ANK2: variants seen among roughly 807,000 people sequenced by gnomAD.
ANK2 encodes the protein ankyrin-2.
ANK2 carries 83 observed loss-of-function variants against 360.5 expected under a neutral mutation model. That is an observed-to-expected ratio of 0.23 (90% CI 0.19 to 0.28). ANK2 has a LOEUF of 0.28. Ranked by LOEUF, ANK2 falls within the 10% of genes least tolerant of loss-of-function variation. The pLI is 1.00. For synonymous variants in ANK2, 1,740 were observed against 1,759.5 expected, an observed-to-expected ratio of 0.99 and a Z score of 0.28; for missense variants, 4,201 against 4,795.7, an observed-to-expected ratio of 0.88 and a Z score of 3.66.
chr4:112,957,380 A>T (rs561764425), intron 2 of ANK2, among the ~76,000 whole-genome samples: 55 of 152,368 alleles, frequency 3.6e-4, no homozygotes, highest in Middle Eastern at 6.8e-3. Flanking sequence ...TTTTCTTAGT[A>T]CAGAACAAAA....
At chr4:112,918,189 G>A (rs1262737541) in intron 2 of ANK2, among the ~76,000 whole-genome samples, 1 of 152,140 alleles carries the variant, frequency 6.6e-6, no homozygotes, top group Non-Finnish European at 1.5e-5. Context: ...ATTAGGGGCA[G>A]CTTCCTGGAA....
At chr4:113,257,478 TA>T (rs766224839) in intron 11 of ANK2, among the ~76,000 whole-genome samples, 1 of 152,192 alleles carries the variant, frequency 6.6e-6, no homozygotes, top group Non-Finnish European at 1.5e-5. Context: ...ATATATGTTA[TA>T]AAAATGATAT....
chr4:113,021,530 C>CCCCACACACA (rs1554056650), intron 2 of ANK2, among the ~76,000 whole-genome samples: 3 of 13,094 alleles, frequency 2.3e-4, no homozygotes, highest in African/African-American at 6.9e-4. Flanking sequence ...ACACACACAC[C>CCCCACACACA]CACACACAAA....
At chr4:113,299,876 T>C (rs978060993) in intron 22 of ANK2, among the ~76,000 whole-genome samples, 4 of 152,084 alleles carry the variant, frequency 2.6e-5, no homozygotes, top group Non-Finnish European at 5.9e-5. Context: ...AAAAATACCC[T>C]GGTCCCCATT....
At chr4:113,374,969 C>G in intron 45 of ANK2, 1 of 1,070,590 alleles carries the variant, frequency 9.3e-7, no homozygotes, top group Non-Finnish European at 1.1e-6. Flanking sequence ...CATCATTTGT[C>G]TTTTTATGTG....
intron 2 of ANK2, among the ~76,000 whole-genome samples, chr4:113,175,359 A>T (rs1264839638): frequency 6.6e-6 from 1 of 152,198 alleles, no homozygotes; most frequent in Admixed American, 6.5e-5. Flanking sequence ...TTCAAAAACA[A>T]CTTTTCAGAA....
At chr4:113,143,328 C>A (rs1326026650) in intron 1 of ANK2, among the ~76,000 whole-genome samples, 1 of 35,244 alleles carries the variant, frequency 2.8e-5, no homozygotes. Context: ...ATTAATGAGA[C>A]AGAAAGATGC....
chr4:112,897,249 G>A (rs1868275), intron 1 of ANK2, among the ~76,000 whole-genome samples: 1,607 of 152,160 alleles, frequency 0.011, 16 homozygotes, highest in African/African-American at 0.028. Context: ...TCTCTCTCCT[G>A]GGTTTTCCTG....
chr4:113,129,031 A>G (rs1484032640), intron 1 of ANK2, among the ~76,000 whole-genome samples: 1 of 152,228 alleles, frequency 6.6e-6, no homozygotes, highest in Non-Finnish European at 1.5e-5. Flanking sequence ...ATGATGGGGC[A>G]TATCAACCTG....
intron 2 of ANK2, among the ~76,000 whole-genome samples, chr4:113,011,280 C>T (rs915324409): frequency 2.0e-5 from 3 of 152,008 alleles, no homozygotes; most frequent in African/African-American, 4.8e-5. Context: ...TATTTGTGGA[C>T]ATTAGTGATC....
chr4:112,918,400 G>C (rs2090530057), intron 2 of ANK2, among the ~76,000 whole-genome samples: 1 of 151,784 alleles, frequency 6.6e-6, no homozygotes, highest in Non-Finnish European at 1.5e-5. Flanking sequence ...TTTTCATTTA[G>C]TGAAAAAAAA....
chr4:113,315,778 A>G (rs564565549), intron 24 of ANK2, among the ~76,000 whole-genome samples: 2 of 151,536 alleles, frequency 1.3e-5, no homozygotes, highest in South Asian at 2.1e-4. Flanking sequence ...AGGCGCCTGT[A>G]GTCCCAGCTA....
chr4:112,991,556 T>C (rs185603811), intron 2 of ANK2, among the ~76,000 whole-genome samples: 1 of 152,000 alleles, frequency 6.6e-6, no homozygotes, highest in East Asian at 1.9e-4. Flanking sequence ...AAATGGCTGT[T>C]CAGCCACACC....
At chr4:113,067,941 G>A (rs1298079770) in intron 1 of ANK2, among the ~76,000 whole-genome samples, 1 of 152,166 alleles carries the variant, frequency 6.6e-6, no homozygotes, top group Non-Finnish European at 1.5e-5. Context: ...TGCTAATACT[G>A]ATCACACAGT....
chr4:113,362,769 A>C (rs1554578032), intron 39 of ANK2, among the ~76,000 whole-genome samples: 4 of 152,166 alleles, frequency 2.6e-5, no homozygotes, highest in Non-Finnish European at 5.9e-5. Flanking sequence ...TGGAAGGTTA[A>C]TAGTAGAATT....
At chr4:113,202,580 C>G (rs78721861) in intron 4 of ANK2, among the ~76,000 whole-genome samples, 17 of 152,240 alleles carry the variant, frequency 1.1e-4, no homozygotes, top group Non-Finnish European at 2.2e-4. Context: ...TGGCAAACTT[C>G]CGAGTTATTT....
At chr4:113,001,514 C>T (rs987274940) in intron 2 of ANK2, among the ~76,000 whole-genome samples, 8 of 151,436 alleles carry the variant, frequency 5.3e-5, no homozygotes, top group Non-Finnish European at 1.0e-4. Context: ...GACTTCCCTT[C>T]CCCGACAAAA....
At chr4:113,263,848 A>G (rs1479363119) in intron 13 of ANK2, among the ~76,000 whole-genome samples, 1 of 152,214 alleles carries the variant, frequency 6.6e-6, no homozygotes, top group Non-Finnish European at 1.5e-5. Flanking sequence ...CTTTAGAACT[A>G]TATATGGTTT....
At chr4:113,161,733 T>C (rs999752378) in intron 1 of ANK2, among the ~76,000 whole-genome samples, 5 of 148,928 alleles carry the variant, frequency 3.4e-5, no homozygotes, top group African/African-American at 5.0e-5. Flanking sequence ...TGTGTGTGTG[T>C]GCATGTGCAT....
Sources: gnomAD v4.1 joint callset for allele counts (sites outside exome capture counted in the v4.1 genomes callset) on GRCh38, gnomAD v4.1.1 for gene constraint, MANE v1.5 for transcripts, NCBI Gene and HGNC (gene_info 2026-07-23, HGNC 2026-07-21) for gene names.